MYO3B: variants seen among roughly 807,000 people sequenced by gnomAD.
MYO3B encodes myosin IIIB, also known as myosin-IIIb.
In MYO3B, 156 loss-of-function variants were observed where a neutral mutation model predicts 174.6. The ratio of observed to expected loss-of-function variants is 0.89; its 90% CI spans 0.78 to 1.02. MYO3B has a LOEUF of 1.02. Among genes scored for constraint, MYO3B ranks in the 50% least tolerant of loss-of-function variants. The probability of loss-of-function intolerance (pLI) is 0.00; values close to 1 mark genes in which losing one functional copy is unlikely to be tolerated. For missense variants in MYO3B, 1,632 were observed against 1,639.4 expected, an observed-to-expected ratio of 1.00 and a Z score of 0.08; for synonymous variants, 563 against 569.1, an observed-to-expected ratio of 0.99 and a Z score of 0.15.
chr2:170,184,089 G>A (rs999457120), intron 1 of MYO3B, among the ~76,000 whole-genome samples: 1 of 151,736 alleles, frequency 6.6e-6, no homozygotes, highest in African/African-American at 2.4e-5. Context: ...CATAATAGAT[G>A]TATATATTTC....
intron 7 of MYO3B, among the ~76,000 whole-genome samples, chr2:170,330,954 T>G (rs1468011202): frequency 6.6e-6 from 1 of 152,196 alleles, no homozygotes; most frequent in African/African-American, 2.4e-5. Flanking sequence ...CTGCAACATG[T>G]ATATGTTTGT....
intron 17 of MYO3B, 131 bp downstream of exon 17, chr2:170,400,445 A>T (rs1419456751): frequency 1.7e-5 from 20 of 1,156,836 alleles, no homozygotes; most frequent in Non-Finnish European, 2.1e-5. Flanking sequence ...TCACTCTGTC[A>T]TCCAGGCTGG....
chr2:170,261,742 A>G (rs1352897562), intron 7 of MYO3B, among the ~76,000 whole-genome samples: 1 of 152,210 alleles, frequency 6.6e-6, no homozygotes, highest in Non-Finnish European at 1.5e-5. Context: ...GTTTCATGCT[A>G]TATAGGATGA....
At chr2:170,314,053 TC>T (rs2093757730) in intron 7 of MYO3B, among the ~76,000 whole-genome samples, 1 of 152,114 alleles carries the variant, frequency 6.6e-6, no homozygotes. Context: ...CTGTGCTCCC[TC>T]CCTACAGCCC....
intron 1 of MYO3B, among the ~76,000 whole-genome samples, chr2:170,189,940 C>T (rs919214672): frequency 8.5e-5 from 13 of 152,242 alleles, no homozygotes; most frequent in African/African-American, 1.7e-4. Flanking sequence ...TTACTGTGTT[C>T]TTCACAGTCT....
chr2:170,544,900 T>G (rs1690378349), intron 32 of MYO3B, among the ~76,000 whole-genome samples: 1 of 151,912 alleles, frequency 6.6e-6, no homozygotes, highest in African/African-American at 2.4e-5. Context: ...CACAATGAAG[T>G]GGGGGTAAAA....
intron 24 of MYO3B, among the ~76,000 whole-genome samples, 170 bp downstream of exon 24, chr2:170,463,615 A>G (rs775959492): frequency 6.6e-6 from 1 of 152,148 alleles, no homozygotes; most frequent in Non-Finnish European, 1.5e-5. Context: ...TGGGCACAAA[A>G]CCCTGCCCAT....
At chr2:170,558,782 G>A (rs1164158461) in intron 32 of MYO3B, among the ~76,000 whole-genome samples, 1 of 152,138 alleles carries the variant, frequency 6.6e-6, no homozygotes, top group Non-Finnish European at 1.5e-5. Flanking sequence ...AGCTGGCTTT[G>A]GAGTCAGTCA....
At chr2:170,518,181 T>C (rs1390840442) in intron 29 of MYO3B, among the ~76,000 whole-genome samples, 1 of 152,200 alleles carries the variant, frequency 6.6e-6, no homozygotes, top group Non-Finnish European at 1.5e-5. Flanking sequence ...CAATTTAAAA[T>C]CAGCACATGT....
At chr2:170,606,808 G>T (rs959734749) in intron 32 of MYO3B, among the ~76,000 whole-genome samples, 1 of 152,152 alleles carries the variant, frequency 6.6e-6, no homozygotes. Context: ...ATCACCTGAG[G>T]TTGGGAGTTC....
At chr2:170,401,788 TTTTC>T (rs2094477922) in intron 18 of MYO3B, 97 bp downstream of exon 18, 7 of 1,039,462 alleles carry the variant, frequency 6.7e-6, no homozygotes, top group African/African-American at 5.0e-5. Context: ...CTCTCTGGGA[TTTTC>T]TTTCTTTTTC....
intron 32 of MYO3B, among the ~76,000 whole-genome samples, chr2:170,635,018 T>G (rs1225554300): frequency 6.6e-6 from 1 of 151,996 alleles, no homozygotes; most frequent in African/African-American, 2.4e-5. Flanking sequence ...TTGGTGGGAG[T>G]GCAAACTAGT....
intron 32 of MYO3B, among the ~76,000 whole-genome samples, chr2:170,635,814 A>C (rs1697416722): frequency 6.6e-6 from 1 of 152,176 alleles, no homozygotes; most frequent in African/African-American, 2.4e-5. Context: ...AAGGTCTAAA[A>C]AAGAGAAAGA....
intron 32 of MYO3B, among the ~76,000 whole-genome samples, chr2:170,622,456 A>G (rs369419124): frequency 4.9e-4 from 74 of 152,364 alleles, no homozygotes; most frequent in African/African-American, 1.8e-3. Context: ...CAAAAGGAAT[A>G]CAGTGAAAAC....
intron 8 of MYO3B, 54 bp downstream of exon 8, chr2:170,335,504 T>A (rs1230175592): frequency 1.4e-6 from 2 of 1,387,476 alleles, no homozygotes; most frequent in East Asian, 4.6e-5. Context: ...TGAGCAGTGA[T>A]TGGAGAAATC....
chr2:170,432,675 C>T (rs942706207), intron 22 of MYO3B, among the ~76,000 whole-genome samples: 4 of 151,374 alleles, frequency 2.6e-5, no homozygotes, highest in Middle Eastern at 3.4e-3. Context: ...CTCCCGGGTT[C>T]GCACCATTCT....
chr2:170,426,776 T>A (rs561158697), intron 22 of MYO3B, among the ~76,000 whole-genome samples: 8 of 152,162 alleles, frequency 5.3e-5, no homozygotes, highest in African/African-American at 1.7e-4. Context: ...TCCCAGCACT[T>A]TGGGAAGCCA....
At chr2:170,580,266 T>C in intron 32 of MYO3B, among the ~76,000 whole-genome samples, 1 of 152,374 alleles carries the variant, frequency 6.6e-6, no homozygotes, top group South Asian at 2.1e-4. Flanking sequence ...TATAACAGTA[T>C]GATTTTTTCT....
intron 5 of MYO3B, among the ~76,000 whole-genome samples, chr2:170,216,914 A>T (rs2092835280): frequency 6.6e-6 from 1 of 152,164 alleles, no homozygotes; most frequent in Non-Finnish European, 1.5e-5. Context: ...TAATGATTTA[A>T]ATAGAGTGAT....
Sources: gnomAD v4.1 joint callset for allele counts (sites outside exome capture counted in the v4.1 genomes callset) on GRCh38, gnomAD v4.1.1 for gene constraint, MANE v1.5 for transcripts, NCBI Gene and HGNC (gene_info 2026-07-23, HGNC 2026-07-21) for gene names.